Variants in USP13 observed in about 807,000 individuals in gnomAD.
USP13 encodes ubiquitin specific peptidase 13, also known as ubiquitin carboxyl-terminal hydrolase 13.
Under a neutral mutation model 107.8 loss-of-function variants are expected in USP13, and 68 were observed. The ratio of observed to expected loss-of-function variants is 0.63; its 90% CI spans 0.52 to 0.77. The LOEUF (loss-of-function observed/expected upper bound fraction) is 0.77. Ranked by LOEUF, USP13 falls within the 30% of genes least tolerant of loss-of-function variation. The pLI, the probability that USP13 is intolerant of heterozygous loss-of-function variation, is 0.00. For missense variants in USP13, 945 were observed against 1,093.3 expected, an observed-to-expected ratio of 0.86 and a Z score of 1.91; for synonymous variants, 377 against 389.5, an observed-to-expected ratio of 0.97 and a Z score of 0.38.
In USP13 at chr3:179,706,887, A is replaced by G. The variant is rs1712736897; in HGVS notation, c.478-47A>G. 4 of 1,552,822 alleles carry G rather than the reference A, an allele frequency of 2.6e-6. No individual in the cohort carries two copies. The South Asian group carries it at 4.9e-5, about 19-fold the overall frequency. ...ATTTGCTATTCACTAGCAAATCGTT[A>G]TTTTCTCAAACTGTTTTTATATATT... On this transcript the variant is annotated intron_variant, in intron 4 of 20. Coordinates refer to ENST00000263966, the MANE Select transcript of USP13 (RefSeq NM_003940.3).
chr3:179,664,996 G>A lies in USP13; in HGVS notation c.168+11603G>A, dbSNP rs187550871. Among the ~76,000 whole-genome samples, 116 of 152,222 alleles carry A rather than the reference G, an allele frequency of 7.6e-4. 1 individual carries two copies. Among genetic ancestry groups the A allele is most frequent in the African/African-American group, 2.7e-3 (114 of 41,530 alleles). The stretch of plus-strand genomic sequence containing the variant: ...CCAGCTACTCAGGAGGCTGAGGCAG[G>A]AGAATCGCTTAAACCCAGGAGGCGG... On this transcript the variant is annotated intron_variant, in intron 1 of 20. Transcript: ENST00000263966.
Position 179,720,032 on chromosome 3 carries a change from G to A in USP13, c.898G>A (p.Gly300Arg). 1 of 1,613,308 alleles carries A rather than the reference G, an allele frequency of 6.2e-7. No homozygotes were observed. The highest frequency in any genetic ancestry group is 8.5e-7 in the Non-Finnish European group (1 of 1,179,534). The change falls in exon 7 of 21, where the codon GGG (glycine) becomes AGG (arginine). Residue 300 changes from glycine to arginine, a missense_variant and splice_region_variant. Coordinates refer to ENST00000263966, the MANE Select transcript of USP13 (RefSeq NM_003940.3). ...TGGAATTGATATGCTTCATATGCAT[G>A]GGGTGAGGTCTCCTTTTGTTTCTGT... is the stretch of plus-strand genomic sequence containing the variant. Reference protein sequence around the residue: ...HFGIDMLHMHGTENGLQDNDI... With the variant: ...HFGIDMLHMHRTENGLQDNDI...
chr3:179,658,153 A>T (rs887652159), intron 1 of USP13, among the ~76,000 whole-genome samples: 5 of 152,068 alleles, frequency 3.3e-5, no homozygotes, highest in Non-Finnish European at 5.9e-5. Flanking sequence ...ACGGGGTTTC[A>T]CTATGTTGGC....
intron 1 of USP13, among the ~76,000 whole-genome samples, chr3:179,668,659 T>C (rs904995320): frequency 2.6e-5 from 4 of 152,110 alleles, no homozygotes; most frequent in African/African-American, 9.7e-5. Flanking sequence ...TGGGCTTAAG[T>C]AGGTCTCCTG....
intron 1 of USP13, among the ~76,000 whole-genome samples, chr3:179,658,214 A>T (rs1183443717): frequency 1.3e-5 from 2 of 152,106 alleles, no homozygotes; most frequent in Non-Finnish European, 2.9e-5. Flanking sequence ...TTGGCCTCCC[A>T]AAGTGCTGTG....
intron 6 of USP13, among the ~76,000 whole-genome samples, chr3:179,716,958 T>C (rs1294970915): frequency 1.3e-5 from 2 of 152,240 alleles, no homozygotes; most frequent in Non-Finnish European, 2.9e-5. Context: ...GTGGTTTAGT[T>C]TGTCATTTAA....
At chr3:179,728,659 G>C (rs111898819) in intron 8 of USP13, among the ~76,000 whole-genome samples, 4 of 152,244 alleles carry the variant, frequency 2.6e-5, no homozygotes, top group Admixed American at 2.6e-4. Flanking sequence ...GTAGCGAGCC[G>C]AGATCACGCC....
chr3:179,772,809 G>A (rs1445249975), intron 19 of USP13, among the ~76,000 whole-genome samples: 1 of 152,202 alleles, frequency 6.6e-6, no homozygotes, highest in Non-Finnish European at 1.5e-5. Context: ...CCGAGAGACT[G>A]GTAATTTGGA....
chr3:179,732,463 T>C (rs191600509), intron 10 of USP13, among the ~76,000 whole-genome samples: 1 of 152,228 alleles, frequency 6.6e-6, no homozygotes, highest in East Asian at 1.9e-4. Flanking sequence ...CTCAGGAGCC[T>C]GGCTTTCCCT....
At chr3:179,710,938 C>T (rs958856367) in intron 6 of USP13, among the ~76,000 whole-genome samples, 2 of 152,108 alleles carry the variant, frequency 1.3e-5, no homozygotes, top group African/African-American at 2.4e-5. Flanking sequence ...GGGCACTTAC[C>T]GTGAATGGAA....
chr3:179,677,957 A>G (rs1711529334), intron 1 of USP13, among the ~76,000 whole-genome samples: 1 of 152,198 alleles, frequency 6.6e-6, no homozygotes, highest in Non-Finnish European at 1.5e-5. Flanking sequence ...ATGTATTGCC[A>G]TATAGCACAG....
intron 15 of USP13, among the ~76,000 whole-genome samples, chr3:179,755,363 C>T (rs993376494): frequency 6.6e-5 from 10 of 152,004 alleles, no homozygotes; most frequent in Admixed American, 5.2e-4. Context: ...GGCACGATCT[C>T]GGCTCACTGC....
Position 179,764,157 on chromosome 3 carries a change from C to G in USP13, c.2248C>G (p.Leu750Val). Residue 750 changes from leucine to valine, a missense_variant, in exon 18 of 21, where the codon CTA (leucine) becomes GTA (valine). Transcript: ENST00000263966. ...GFQRNQAIQALRATNNNLERA... is the reference protein window; with the variant it reads ...GFQRNQAIQAVRATNNNLERA... ...TCAGCGAAATCAGGCTATTCAGGCACTACGAGCAACGGTGAGCATGAGAGA... is the reference window on the plus strand; with the variant it reads ...TCAGCGAAATCAGGCTATTCAGGCAGTACGAGCAACGGTGAGCATGAGAGA... The G allele has an allele frequency of 6.2e-7, 1 of 1,610,850 alleles. No individual in the cohort carries two copies. Among genetic ancestry groups the G allele is most frequent in the South Asian group, 1.1e-5 (1 of 90,876 alleles).
intron 8 of USP13, among the ~76,000 whole-genome samples, chr3:179,728,216 C>T (rs1713632201): frequency 1.4e-5 from 2 of 147,940 alleles, no homozygotes; most frequent in African/African-American, 4.9e-5. Flanking sequence ...CCCCCACCTC[C>T]CTGCCAGACG....
chr3:179,736,321 T>C (rs1433458187), intron 10 of USP13, among the ~76,000 whole-genome samples: 1 of 152,196 alleles, frequency 6.6e-6, no homozygotes, highest in East Asian at 1.9e-4. Context: ...GCTCAACTTT[T>C]TCAGAGCCTG....
chr3:179,761,620 G>A (rs1324894473), intron 17 of USP13, among the ~76,000 whole-genome samples: 10 of 152,162 alleles, frequency 6.6e-5, no homozygotes, highest in Non-Finnish European at 1.3e-4. Context: ...TACTCAGGAG[G>A]CTGAGGCAGG....
At chr3:179,692,937 G>C (rs566082403) in intron 3 of USP13, among the ~76,000 whole-genome samples, 1 of 152,216 alleles carries the variant, frequency 6.6e-6, no homozygotes, top group East Asian at 1.9e-4. Flanking sequence ...TTTTGTTTCA[G>C]TGAGGCTTTT....
At chr3:179,763,631 G>T (rs1303538548) in intron 17 of USP13, among the ~76,000 whole-genome samples, 1 of 152,104 alleles carries the variant, frequency 6.6e-6, no homozygotes, top group Non-Finnish European at 1.5e-5. Flanking sequence ...CTCTTGCCCA[G>T]GCTGGAGTGC....
At chr3:179,666,837 C>T (rs1457645413) in intron 1 of USP13, among the ~76,000 whole-genome samples, 1 of 152,218 alleles carries the variant, frequency 6.6e-6, no homozygotes, top group Non-Finnish European at 1.5e-5. Flanking sequence ...AAAACGACAT[C>T]TGCTTCTCAG....
Sources: allele counts gnomAD v4.1 joint callset (sites outside exome capture counted in the v4.1 genomes callset), GRCh38; gene constraint gnomAD v4.1.1; transcripts MANE v1.5; gene names NCBI Gene and HGNC (gene_info 2026-07-23, HGNC 2026-07-21).